Variants in MBNL2 observed in about 807,000 individuals in gnomAD.
MBNL2 encodes muscleblind like splicing regulator 2, also known as muscleblind-like protein 2.
A neutral mutation model predicts 41.9 loss-of-function variants in MBNL2; 17 were observed. The observed-to-expected ratio is 0.41, with a 90% CI of 0.28 to 0.61. The LOEUF is 0.61. Among genes scored for constraint, MBNL2 ranks in the 20% least tolerant of loss-of-function variants. The pLI is 0.35. For synonymous variants in MBNL2, 195 were observed against 182.9 expected (o/e 1.07, Z -0.53); for missense variants, 336 against 505.6 (o/e 0.66, Z 3.22).
chr13:97,230,043 A>C (rs2042172152), intron 1 of MBNL2, among the ~76,000 whole-genome samples: 1 of 152,214 alleles, frequency 6.6e-6, no homozygotes, highest in African/African-American at 2.4e-5. Context: ...CACGCCTGTA[A>C]TCCCAGCACT....
rs57825267 is a variant in MBNL2 at position 97,351,784 on chromosome 13, G to A, written c.804+4717G>A. Among the ~76,000 whole-genome samples the A allele has an allele frequency of 3.3e-3, 507 of 152,228 alleles. 5 individuals carry two copies. The highest frequency in any genetic ancestry group is 0.012 in the African/African-American group (487 of 41,526). On this transcript the variant is annotated intron_variant, in intron 5 of 8. Transcript: ENST00000679496. ...CATGCCTATAATCCCAGCACTTTGC[G>A]GGGCAGAGGTGGGTGGATCACTGGA...
the MBNL2 span, among the ~76,000 whole-genome samples, chr13:97,154,931 TGAG>T: frequency 2.0e-5 from 3 of 152,024 alleles, no homozygotes; most frequent in Admixed American, 2.0e-4. Flanking sequence ...CAAATAGTAT[TGAG>T]GAGGCGATGC....
chr13:97,201,692 A>G, the MBNL2 span, among the ~76,000 whole-genome samples: 1 of 152,230 alleles, frequency 6.6e-6, no homozygotes, highest in Non-Finnish European at 1.5e-5. Flanking sequence ...AAAATTCTGA[A>G]TTATTTATCA....
intron 1 of MBNL2, among the ~76,000 whole-genome samples, chr13:97,273,569 C>T (rs1170021120): frequency 6.6e-6 from 1 of 152,176 alleles, no homozygotes; most frequent in African/African-American, 2.4e-5. Flanking sequence ...AGATTGCCAA[C>T]TTCCTTAAAT....
At chr13:97,244,731 G>A (rs1046118518) in intron 1 of MBNL2, among the ~76,000 whole-genome samples, 2 of 152,184 alleles carry the variant, frequency 1.3e-5, no homozygotes, top group Non-Finnish European at 1.5e-5. Flanking sequence ...GAAGAAATCA[G>A]TTCTGGGTAC....
chr13:97,306,245 T>C (rs1468961665), intron 2 of MBNL2, among the ~76,000 whole-genome samples: 1 of 152,258 alleles, frequency 6.6e-6, no homozygotes, highest in Non-Finnish European at 1.5e-5. Context: ...CCTTGCTCAC[T>C]GCAGGGCAAC....
At chr13:97,176,246 C>A in the MBNL2 span, among the ~76,000 whole-genome samples, 1 of 152,120 alleles carries the variant, frequency 6.6e-6, no homozygotes, top group East Asian at 1.9e-4. Context: ...TGTATAGTAC[C>A]CCTGGCATTA....
At chr13:97,290,127 T>A (rs909562796) in intron 2 of MBNL2, among the ~76,000 whole-genome samples, 1 of 152,190 alleles carries the variant, frequency 6.6e-6, no homozygotes, top group Non-Finnish European at 1.5e-5. Flanking sequence ...AGCCACCCAA[T>A]TCTTGAATCA....
At chr13:97,253,943 A>G (rs1348062633) in intron 1 of MBNL2, among the ~76,000 whole-genome samples, 1 of 152,028 alleles carries the variant, frequency 6.6e-6, no homozygotes, top group African/African-American at 2.4e-5. Context: ...GTTGCCCAGT[A>G]CAGTGGCATG....
intron 2 of MBNL2, among the ~76,000 whole-genome samples, chr13:97,317,951 G>C (rs900344984): frequency 2.0e-5 from 3 of 152,188 alleles, no homozygotes; most frequent in African/African-American, 7.2e-5. Context: ...AGAACAGTTT[G>C]CTTTTCATCT....
At chr13:97,291,900 C>CAAAAAAAAAAAAAAAAAAAAAAAAA (rs763407208) in intron 2 of MBNL2, among the ~76,000 whole-genome samples, 1 of 37,812 alleles carries the variant, frequency 2.6e-5, no homozygotes, top group Non-Finnish European at 3.8e-5. Flanking sequence ...GTCTCCGTCT[C>CAAAAAAAAAAAAAAAAAAAAAAAAA]AAAAAAAAAA....
intron 4 of MBNL2, among the ~76,000 whole-genome samples, chr13:97,343,684 A>G (rs537748937): frequency 6.6e-6 from 1 of 152,352 alleles, no homozygotes; most frequent in Non-Finnish European, 1.5e-5. Flanking sequence ...ACCAATTGGT[A>G]TGATCATATT....
At chr13:97,186,714 T>C in the MBNL2 span, among the ~76,000 whole-genome samples, 75 of 152,284 alleles carry the variant, frequency 4.9e-4, no homozygotes, top group African/African-American at 1.8e-3. Flanking sequence ...TCACAGCAAA[T>C]CATCGTTTTA....
chr13:97,284,234 G>C (rs1566390120), intron 2 of MBNL2, among the ~76,000 whole-genome samples: 1 of 152,132 alleles, frequency 6.6e-6, no homozygotes, highest in African/African-American at 2.4e-5. Context: ...TCAGATTGTA[G>C]GGAAGTATAA....
intron 1 of MBNL2, among the ~76,000 whole-genome samples, chr13:97,249,151 G>A (rs1031881464): frequency 1.3e-5 from 2 of 152,118 alleles, no homozygotes; most frequent in East Asian, 1.9e-4. Context: ...CTATATCGTC[G>A]TAATGGGCAA....
the MBNL2 span, among the ~76,000 whole-genome samples, chr13:97,192,044 C>G: frequency 6.6e-6 from 1 of 152,088 alleles, no homozygotes; most frequent in African/African-American, 2.4e-5. Flanking sequence ...GCTATATGCC[C>G]TAAAACACAG....
At chr13:97,376,534 A>G (rs1358806392) in intron 8 of MBNL2, among the ~76,000 whole-genome samples, 4 of 152,242 alleles carry the variant, frequency 2.6e-5, no homozygotes, top group Non-Finnish European at 5.9e-5. Flanking sequence ...TACTTTCGAT[A>G]ATCAAATTAT....
intron 8 of MBNL2, among the ~76,000 whole-genome samples, chr13:97,372,665 G>A (rs117231446): frequency 0.027 from 4,062 of 152,218 alleles, 98 homozygotes; most frequent in Non-Finnish European, 0.038. Context: ...AAGATAACAT[G>A]TAACCAGACA....
rs2061861184 is a variant in MBNL2 at position 97,346,328 on chromosome 13, T to C, written c.541-476T>C. Reference sequence around the variant, plus strand: ...GGATAATAGATAATAGAGGGATAGATTGATAGATGATAGATAATAGATGAT... The same window carrying C: ...GGATAATAGATAATAGAGGGATAGACTGATAGATGATAGATAATAGATGAT... On this transcript the variant is annotated intron_variant, in intron 4 of 8. Transcript: ENST00000679496. This position sits in a 1 kb window ranked among gnomAD's most constrained non-coding sequence, Gnocchi z 4.2. Among the ~76,000 whole-genome samples, 1 of 151,738 alleles carries C rather than the reference T, an allele frequency of 6.6e-6. No homozygotes were observed. Among genetic ancestry groups the C allele is most frequent in the Admixed American group, 6.6e-5 (1 of 15,228 alleles).
Sources: gnomAD v4.1 joint callset for allele counts (sites outside exome capture counted in the v4.1 genomes callset) on GRCh38, gnomAD v4.1.1 for gene constraint, Gnocchi (gnomAD v3.1) non-coding constraint, MANE v1.5 for transcripts, NCBI Gene and HGNC (gene_info 2026-07-23, HGNC 2026-07-21) for gene names.